Variants in SGMS1 observed in about 807,000 individuals in gnomAD.
The protein encoded by SGMS1 is sphingomyelin synthase 1.
SGMS1 carries 13 observed loss-of-function variants against 46.2 expected under a neutral mutation model. The observed-to-expected ratio is 0.28, with a 90% confidence interval of 0.18 to 0.45. The LOEUF (loss-of-function observed/expected upper bound fraction) is 0.45. Ranked by LOEUF, SGMS1 falls within the 20% of genes least tolerant of loss-of-function variation. SGMS1 has a pLI of 1.00. For missense variants in SGMS1, 324 were observed against 519.9 expected (o/e 0.62, Z 3.66); for synonymous variants, 203 against 187.8 (o/e 1.08, Z -0.66).
At chr10:50,528,799 G>T (rs1837927479) in intron 2 of SGMS1, among the ~76,000 whole-genome samples, 2 of 152,116 alleles carry the variant, frequency 1.3e-5, no homozygotes, top group South Asian at 4.1e-4. Flanking sequence ...GGCTGAGGCT[G>T]CAATGAGCCA....
intron 6 of SGMS1, among the ~76,000 whole-genome samples, chr10:50,401,787 G>A (rs1357682665): frequency 6.6e-6 from 1 of 152,132 alleles, no homozygotes; most frequent in Admixed American, 6.5e-5. Flanking sequence ...TGTCCTCACT[G>A]AGGCTAAAAA....
intron 3 of SGMS1, among the ~76,000 whole-genome samples, chr10:50,497,758 C>T (rs1028348413): frequency 2.0e-5 from 3 of 152,098 alleles, no homozygotes; most frequent in East Asian, 1.9e-4. Context: ...CGCACCATTG[C>T]ACTCCAGCCT....
intron 3 of SGMS1, among the ~76,000 whole-genome samples, chr10:50,486,846 G>C (rs1465058219): frequency 1.3e-5 from 2 of 152,116 alleles, no homozygotes; most frequent in African/African-American, 4.8e-5. Flanking sequence ...CTATTATAAA[G>C]ATACATGCAT....
At chr10:50,332,604 T>G (rs1195582081) in intron 7 of SGMS1, among the ~76,000 whole-genome samples, 1 of 150,450 alleles carries the variant, frequency 6.6e-6, no homozygotes, top group African/African-American at 2.5e-5. Flanking sequence ...ATCTCCTTTT[T>G]TTAAGTCTTT....
chr10:50,448,695 C>T (rs1471342062), intron 5 of SGMS1, among the ~76,000 whole-genome samples: 2 of 137,648 alleles, frequency 1.5e-5, no homozygotes, highest in East Asian at 2.3e-4. Flanking sequence ...GGTGAGCCAA[C>T]ATGGTGCCAT....
chr10:50,533,006 C>T (rs917134980), intron 2 of SGMS1, among the ~76,000 whole-genome samples: 5 of 152,046 alleles, frequency 3.3e-5, no homozygotes, highest in Non-Finnish European at 5.9e-5. Flanking sequence ...GCATACACAA[C>T]AAACTCACAA....
intron 3 of SGMS1, among the ~76,000 whole-genome samples, chr10:50,488,808 C>T (rs1169880883): frequency 6.6e-6 from 1 of 152,086 alleles, no homozygotes; most frequent in Non-Finnish European, 1.5e-5. Context: ...CAATTTGTAC[C>T]AGGATAATTG....
intron 1 of SGMS1, among the ~76,000 whole-genome samples, chr10:50,609,113 T>C (rs1838723396): frequency 4.6e-5 from 7 of 152,124 alleles, no homozygotes; most frequent in Admixed American, 4.6e-4. Context: ...GTCTCCCTGG[T>C]ATCTGGGACT....
Position 50,532,060 on chromosome 10 carries a change from G to T in SGMS1, c.-588-12139C>A, listed in dbSNP as rs570706504. ...AACTTTGTTTTGTTATAACACTGAT[G>T]AGAAGAAAAATTGGTTCCTGGTCAG... On this transcript the variant is annotated intron_variant, in intron 2 of 10. Coordinates refer to ENST00000361781, the MANE Select transcript of SGMS1 (RefSeq NM_147156.4). 3.3e-5 allele frequency among the ~76,000 whole-genome samples: 5 copies of T among 152,292 alleles called. No individual in the cohort carries two copies. In the East Asian group the frequency reaches 9.6e-4, roughly 29 times the overall value.
At chr10:50,585,702 G>A (rs1483431404) in intron 2 of SGMS1, among the ~76,000 whole-genome samples, 2 of 152,166 alleles carry the variant, frequency 1.3e-5, no homozygotes, top group African/African-American at 2.4e-5. Context: ...AAATTCATAG[G>A]AGACTCTTTT....
chr10:50,325,420 T>G (rs1847515691), intron 8 of SGMS1, among the ~76,000 whole-genome samples: 2 of 152,086 alleles, frequency 1.3e-5, no homozygotes, highest in South Asian at 4.1e-4. Flanking sequence ...GATTCTAGTT[T>G]CCAGAAGATC....
chr10:50,364,828 T>C (rs1848307721), intron 6 of SGMS1, among the ~76,000 whole-genome samples: 1 of 152,196 alleles, frequency 6.6e-6, no homozygotes, highest in South Asian at 2.1e-4. Context: ...TCTTAGCATG[T>C]TTCTGCTACC....
intron 2 of SGMS1, among the ~76,000 whole-genome samples, chr10:50,534,025 A>G (rs1333805133): frequency 6.6e-6 from 1 of 152,192 alleles, no homozygotes; most frequent in East Asian, 1.9e-4. Flanking sequence ...TCTCAAGGAG[A>G]AAAAATAAGG....
intron 7 of SGMS1, chr10:50,341,543 G>T: frequency 2.4e-6 from 1 of 424,638 alleles, no homozygotes; most frequent in East Asian, 7.1e-5. Context: ...AATTATGTTA[G>T]AATCTAATAA....
At chr10:50,590,006 TAC>T (rs1157576338) in intron 2 of SGMS1, 145 bp downstream of exon 2, 2 of 152,202 alleles carry the variant, frequency 1.3e-5, no homozygotes, top group Non-Finnish European at 2.9e-5. Context: ...TACAAACCTA[TAC>T]ACACACCAAA....
chr10:50,566,975 C>G (rs1037232187), intron 2 of SGMS1, among the ~76,000 whole-genome samples: 3 of 151,968 alleles, frequency 2.0e-5, no homozygotes, highest in African/African-American at 7.3e-5. Context: ...GAGACAGAGT[C>G]TCACTCTGTT....
intron 2 of SGMS1, among the ~76,000 whole-genome samples, chr10:50,559,249 T>C (rs954571204): frequency 2.0e-5 from 3 of 152,214 alleles, no homozygotes; most frequent in African/African-American, 7.2e-5. Context: ...CTTCAACTAC[T>C]TTTGTTTCTT....
intron 6 of SGMS1, among the ~76,000 whole-genome samples, chr10:50,380,981 C>A (rs1422797991): frequency 1.3e-5 from 2 of 151,116 alleles, no homozygotes; most frequent in African/African-American, 4.9e-5. Context: ...CAAGCATGTG[C>A]CACCACACCT....
At chr10:50,456,489 A>C (rs1483049010) in intron 5 of SGMS1, among the ~76,000 whole-genome samples, 1 of 152,166 alleles carries the variant, frequency 6.6e-6, no homozygotes, top group African/African-American at 2.4e-5. Context: ...GCTTCACAGG[A>C]GCCTTTTCTG....
Sources: gnomAD v4.1 joint callset for allele counts (sites outside exome capture counted in the v4.1 genomes callset) on GRCh38, gnomAD v4.1.1 for gene constraint, MANE v1.5 for transcripts, NCBI Gene and HGNC (gene_info 2026-07-23, HGNC 2026-07-21) for gene names.